Variants in PTPRC observed in about 807,000 individuals in gnomAD.
PTPRC encodes protein tyrosine phosphatase receptor type C, also known as receptor-type tyrosine-protein phosphatase C.
Under a neutral mutation model 155.9 loss-of-function variants are expected in PTPRC, and 44 were observed. The observed-to-expected ratio is 0.28, with a 90% confidence interval of 0.22 to 0.36. PTPRC has a LOEUF of 0.36. Ranked by LOEUF, PTPRC falls within the 10% of genes least tolerant of loss-of-function variation. PTPRC has a pLI of 1.00. For missense variants in PTPRC, 1,401 were observed against 1,564.6 expected (o/e 0.90, Z 1.76); for synonymous variants, 525 against 533.1 (o/e 0.98, Z 0.21).
At chr1:198,753,187 A>G (rs915509444) in intron 31 of PTPRC, among the ~76,000 whole-genome samples, 36 of 152,084 alleles carry the variant, frequency 2.4e-4, no homozygotes, top group South Asian at 4.1e-4. Context: ...TAATGAACAC[A>G]AAGTTTATTA....
intron 2 of PTPRC, among the ~76,000 whole-genome samples, chr1:198,670,712 C>G (rs765997733): frequency 6.6e-6 from 1 of 152,100 alleles, no homozygotes; most frequent in African/African-American, 2.4e-5. Flanking sequence ...GCTTCACAAA[C>G]TTCTTAAAAG....
At chr1:198,649,241 T>A (rs549929332) in intron 2 of PTPRC, among the ~76,000 whole-genome samples, 1 of 151,874 alleles carries the variant, frequency 6.6e-6, no homozygotes, top group African/African-American at 2.4e-5. Flanking sequence ...TTCCAGATAG[T>A]CTGGTTTATA....
intron 21 of PTPRC, 40 bp downstream of exon 21, chr1:198,734,272 T>G (rs1654522343): frequency 6.2e-6 from 10 of 1,609,684 alleles, no homozygotes; most frequent in Non-Finnish European, 8.5e-6. Flanking sequence ...TTGAAAAATT[T>G]TTATAGCACT....
intron 25 of PTPRC, among the ~76,000 whole-genome samples, chr1:198,742,815 A>C (rs1409617295): frequency 6.6e-6 from 1 of 151,754 alleles, no homozygotes; most frequent in African/African-American, 2.4e-5. Context: ...GTCTGACTGC[A>C]CCTCAGTTAA....
At chr1:198,654,271 A>G (rs1663415981) in intron 2 of PTPRC, among the ~76,000 whole-genome samples, 3 of 152,014 alleles carry the variant, frequency 2.0e-5, no homozygotes, top group South Asian at 4.1e-4. Flanking sequence ...GTTAACAATA[A>G]CAGTGGCACA....
chr1:198,721,655 T>C (rs1653892558), intron 14 of PTPRC, among the ~76,000 whole-genome samples: 1 of 152,062 alleles, frequency 6.6e-6, no homozygotes, highest in Non-Finnish European at 1.5e-5. Context: ...AATTGGCTTT[T>C]ACAATTTCTG....
rs752565895 is a variant in PTPRC, at chr1:198,713,027, C to A, written c.1246C>A (p.Gln416Lys). 1.2e-6 allele frequency: 2 copies of A among 1,613,756 alleles called. No homozygotes were observed. The highest frequency in any genetic ancestry group is 1.7e-5 in the Admixed American group (1 of 60,018). The change falls in exon 12 of 33, where the codon CAA (glutamine) becomes AAA (lysine). Residue 416 changes from glutamine to lysine, a missense_variant. Transcript: ENST00000442510. Reference sequence around the variant, plus strand: ...AGGAGTAATTACCTGGAATCCCCCTCAAAGATCATTTCATAATTTTACCCT... The same window carrying A: ...AGGAGTAATTACCTGGAATCCCCCTAAAAGATCATTTCATAATTTTACCCT... ...HQGVITWNPP[Q>K]RSFHNFTLCY...
intron 15 of PTPRC, among the ~76,000 whole-genome samples, chr1:198,727,917 T>C (rs1654213258): frequency 6.6e-6 from 1 of 152,168 alleles, no homozygotes; most frequent in African/African-American, 2.4e-5. Flanking sequence ...GTAGAAGTCT[T>C]TCTCATCCCC....
At position 198,716,820 on chromosome 1, in the gene PTPRC, A is replaced by G; in HGVS notation, c.1430A>G (p.His477Arg). The change falls in exon 13 of 33, where the codon CAT becomes CGT. Residue 477 changes from histidine (H) to arginine (R), a missense_variant. Coordinates refer to ENST00000442510, the MANE Select transcript of PTPRC (RefSeq NM_002838.5). ...CGTAATGGAAGTGCTGCAATGTGTC[A>G]TTTCACAACTAAAAGTGCTCGTAAG... ...VQRNGSAAMC[H>R]FTTKSAPPSQ... 6.2e-7 allele frequency: 1 copy of G among 1,613,662 alleles called. No homozygotes were observed. The highest frequency in any genetic ancestry group is 8.5e-7 in the Non-Finnish European group (1 of 1,179,920).
chr1:198,667,200 T>A (rs1664365179), intron 2 of PTPRC: 2 of 152,336 alleles, frequency 1.3e-5, no homozygotes, highest in Admixed American at 1.3e-4. Context: ...CCCCAGAAGC[T>A]TTTGTCTACA....
chr1:198,670,654 T>C (rs1184876850), intron 2 of PTPRC, among the ~76,000 whole-genome samples: 1 of 152,180 alleles, frequency 6.6e-6, no homozygotes, highest in Admixed American at 6.5e-5. Context: ...AATACCCACT[T>C]TTCTTTACAA....
intron 11 of PTPRC, among the ~76,000 whole-genome samples, chr1:198,710,111 G>A (rs1359208251): frequency 6.6e-6 from 1 of 152,094 alleles, no homozygotes; most frequent in Admixed American, 6.6e-5. Context: ...CCCACTTTGA[G>A]TTAATATTTG....
chr1:198,734,010 A>G (rs1451741150), intron 20 of PTPRC, among the ~76,000 whole-genome samples, 186 bp from the exon 21 acceptor site: 1 of 151,860 alleles, frequency 6.6e-6, no homozygotes, highest in African/African-American at 2.4e-5. Context: ...AAATGCTAAC[A>G]TGTTTAGCAC....
intron 9 of PTPRC, among the ~76,000 whole-genome samples, chr1:198,707,925 T>C (rs1198452724): frequency 2.0e-5 from 3 of 152,200 alleles, no homozygotes; most frequent in African/African-American, 7.2e-5. Flanking sequence ...ACTACCAAAA[T>C]ATATGGTGCT....
intron 3 of PTPRC, chr1:198,693,005 T>C (rs1055528901): frequency 2.1e-6 from 2 of 945,334 alleles, no homozygotes; most frequent in Non-Finnish European, 2.5e-6. Context: ...AAATATCACA[T>C]CACTTAACTG....
Position 198,748,822 on chromosome 1 carries a change from A to T in PTPRC, c.2939-594A>T, listed in dbSNP as rs191327763. Among the ~76,000 whole-genome samples the T allele has an allele frequency of 1.3e-3, 190 of 151,860 alleles. 1 individual carries two copies. The highest frequency in any genetic ancestry group is 5.6e-3 in the South Asian group (27 of 4,826). ...GTTGATAAATTAGATGACCAAATAA[A>T]TCAGATCAGTGCATGGTTGACCTAG... On this transcript the variant is annotated intron_variant, in intron 27 of 32. Coordinates refer to ENST00000442510, the MANE Select transcript of PTPRC (RefSeq NM_002838.5).
intron 2 of PTPRC, among the ~76,000 whole-genome samples, chr1:198,672,212 AC>A (rs1664687296): frequency 6.6e-6 from 1 of 152,160 alleles, no homozygotes; most frequent in Admixed American, 6.5e-5. Context: ...ACAAAAGGAA[AC>A]AATACCCCTC....
chr1:198,746,326 A>G (rs1571890790), intron 26 of PTPRC, among the ~76,000 whole-genome samples: 1 of 151,816 alleles, frequency 6.6e-6, no homozygotes, highest in African/African-American at 2.4e-5. Flanking sequence ...TGCAAGTAGA[A>G]TCAGGGATCA....
At chr1:198,732,087 T>G (rs1211167484) in intron 18 of PTPRC, among the ~76,000 whole-genome samples, 1 of 151,996 alleles carries the variant, frequency 6.6e-6, no homozygotes, top group Non-Finnish European at 1.5e-5. Flanking sequence ...TCAAGAGATT[T>G]GTTCTGAAAG....
Sources: gnomAD v4.1 joint callset for allele counts (sites outside exome capture counted in the v4.1 genomes callset) on GRCh38, gnomAD v4.1.1 for gene constraint, MANE v1.5 for transcripts, NCBI Gene and HGNC (gene_info 2026-07-23, HGNC 2026-07-21) for gene names.